ZMAT4: variants seen among roughly 807,000 people sequenced by gnomAD.
ZMAT4 encodes zinc finger matrin-type protein 4.
In ZMAT4, 17 loss-of-function variants were observed where a neutral mutation model predicts 28.7. The observed-to-expected ratio is 0.59, with a 90% CI of 0.41 to 0.89. ZMAT4 has a LOEUF of 0.89. Ranked by LOEUF, ZMAT4 falls within the 40% of genes least tolerant of loss-of-function variation. The pLI, the probability that ZMAT4 is intolerant of heterozygous loss-of-function variation, is 0.00. For missense variants in ZMAT4, 240 were observed against 283.8 expected (o/e 0.85, Z 1.11); for synonymous variants, 117 against 109.2 (o/e 1.07, Z -0.44).
In ZMAT4 at chr8:40,736,740, G is replaced by A. The variant is rs558934017; in HGVS notation, c.192+30901C>T. Among the ~76,000 whole-genome samples, 17 of 152,310 alleles carry A rather than the reference G, an allele frequency of 1.1e-4. No homozygotes were observed. In the South Asian group the frequency reaches 3.5e-3, roughly 32 times the overall value. On this transcript the variant is annotated intron_variant, in intron 3 of 6. Coordinates refer to ENST00000297737, the MANE Select transcript of ZMAT4 (RefSeq NM_024645.3). Reference sequence around the variant, plus strand: ...GTAATGGGTTTTGCAATTGAGAACAGTCCTCTGGCAGTCTGTGAGGATGGG... The same window carrying A: ...GTAATGGGTTTTGCAATTGAGAACAATCCTCTGGCAGTCTGTGAGGATGGG...
At chr8:40,881,356 C>G (rs576004968) in intron 1 of ZMAT4, among the ~76,000 whole-genome samples, 10 of 150,014 alleles carry the variant, frequency 6.7e-5, no homozygotes, top group African/African-American at 2.5e-4. Flanking sequence ...CCACTGCACT[C>G]CAGCCTGGGC....
At chr8:40,621,231 G>C (rs566469391) in intron 5 of ZMAT4, among the ~76,000 whole-genome samples, 1 of 152,306 alleles carries the variant, frequency 6.6e-6, no homozygotes, top group Non-Finnish European at 1.5e-5. Flanking sequence ...AAACAGGCCA[G>C]CACACAACAG....
At chr8:40,574,686 G>T (rs1804204742) in intron 6 of ZMAT4, among the ~76,000 whole-genome samples, 1 of 152,090 alleles carries the variant, frequency 6.6e-6, no homozygotes, top group South Asian at 2.1e-4. Flanking sequence ...GGGGAATGAG[G>T]CACCCACCTC....
chr8:40,684,534 TGG>T (rs1809316947), intron 4 of ZMAT4, among the ~76,000 whole-genome samples: 1 of 152,336 alleles, frequency 6.6e-6, no homozygotes, highest in Non-Finnish European at 1.5e-5. Context: ...AAACCAGCTT[TGG>T]TTCTTTTAAT....
At chr8:40,616,301 G>T (rs1806003674) in intron 5 of ZMAT4, among the ~76,000 whole-genome samples, 1 of 152,196 alleles carries the variant, frequency 6.6e-6, no homozygotes, top group Non-Finnish European at 1.5e-5. Context: ...CTGTAAACTA[G>T]TTCAACCATT....
chr8:40,840,250 G>T (rs915149843), intron 1 of ZMAT4, among the ~76,000 whole-genome samples: 2 of 152,140 alleles, frequency 1.3e-5, no homozygotes, highest in Admixed American at 6.5e-5. Context: ...GGCACCCATG[G>T]CTACTAACTG....
chr8:40,805,380 G>A (rs1441004033), intron 2 of ZMAT4, among the ~76,000 whole-genome samples: 1 of 149,104 alleles, frequency 6.7e-6, no homozygotes, highest in Non-Finnish European at 1.5e-5. Context: ...AGTCAGTGTG[G>A]CAATTCCTCA....
intron 2 of ZMAT4, among the ~76,000 whole-genome samples, chr8:40,807,703 G>A (rs1003367607): frequency 1.3e-5 from 2 of 151,994 alleles, no homozygotes; most frequent in African/African-American, 2.4e-5. Context: ...TTCCTTCACT[G>A]AGAAAACATT....
intron 3 of ZMAT4, among the ~76,000 whole-genome samples, chr8:40,713,921 CAA>C (rs532317102): frequency 6.6e-4 from 33 of 49,988 alleles, no homozygotes; most frequent in African/African-American, 1.3e-3. Flanking sequence ...AAAACAAAAC[CAA>C]AAAAAAAAAA....
intron 5 of ZMAT4, among the ~76,000 whole-genome samples, chr8:40,610,831 G>A (rs1013064946): frequency 2.6e-5 from 4 of 151,402 alleles, no homozygotes; most frequent in African/African-American, 7.3e-5. Flanking sequence ...ATAAGAGATA[G>A]GCCATAGAAA....
chr8:40,881,431 GAGAGAA>G (rs1293757617), intron 1 of ZMAT4, among the ~76,000 whole-genome samples: 3 of 101,734 alleles, frequency 2.9e-5, no homozygotes, highest in East Asian at 5.6e-4. Context: ...AAAGAAGAAA[GAGAGAA>G]AGAAAGAAAG....
In ZMAT4 at chr8:40,780,023, C is replaced by T. The variant is rs771678601; in HGVS notation, c.103-12293G>A. ...TTCATTTCTCAGAATCTTATCTTTC[C>T]CTCCCCTCCCAACTTTTTTTTCTCC... On this transcript the variant is annotated intron_variant, in intron 2 of 6. Transcript: ENST00000297737. Among the ~76,000 whole-genome samples, 209 of 151,938 alleles carry T rather than the reference C, an allele frequency of 1.4e-3. 1 individual carries two copies. Among genetic ancestry groups the T allele is most frequent in the Non-Finnish European group, 4.1e-4 (28 of 67,992 alleles).
chr8:40,813,376 T>A (rs976410494), intron 2 of ZMAT4, among the ~76,000 whole-genome samples: 1 of 152,248 alleles, frequency 6.6e-6, no homozygotes, highest in African/African-American at 2.4e-5. Flanking sequence ...TAAAGTGATT[T>A]AGCTAAGGCT....
At chr8:40,557,652 A>G (rs1440305290) in intron 6 of ZMAT4, among the ~76,000 whole-genome samples, 1 of 152,102 alleles carries the variant, frequency 6.6e-6, no homozygotes, top group Non-Finnish European at 1.5e-5. Flanking sequence ...GCTTTTTCTT[A>G]ACAAGGCATT....
intron 1 of ZMAT4, among the ~76,000 whole-genome samples, chr8:40,854,722 C>T (rs970806541): frequency 2.6e-5 from 4 of 152,094 alleles, no homozygotes; most frequent in Admixed American, 2.6e-4. Flanking sequence ...AAAAGGATGG[C>T]AGGGAGGACA....
chr8:40,890,536 A>T (rs773934061), intron 1 of ZMAT4, among the ~76,000 whole-genome samples: 3 of 151,110 alleles, frequency 2.0e-5, no homozygotes, highest in Non-Finnish European at 4.4e-5. Flanking sequence ...GCCATTTCTC[A>T]CCTGGACAGC....
chr8:40,768,336 A>T (rs552158766), intron 2 of ZMAT4, among the ~76,000 whole-genome samples: 1 of 152,060 alleles, frequency 6.6e-6, no homozygotes, highest in African/African-American at 2.4e-5. Flanking sequence ...GCAAATAAAG[A>T]CTCATTTTCT....
At chr8:40,812,446 G>C (rs1586095679) in intron 2 of ZMAT4, among the ~76,000 whole-genome samples, 2 of 152,156 alleles carry the variant, frequency 1.3e-5, no homozygotes, top group Non-Finnish European at 1.5e-5. Flanking sequence ...CCAAATACTT[G>C]ACCAGTAATC....
At chr8:40,804,334 G>T (rs955296401) in intron 2 of ZMAT4, among the ~76,000 whole-genome samples, 1 of 152,132 alleles carries the variant, frequency 6.6e-6, no homozygotes, top group Non-Finnish European at 1.5e-5. Context: ...CATGTGTGGG[G>T]CAGGGGATAC....
Sources: gnomAD v4.1 joint callset for allele counts (sites outside exome capture counted in the v4.1 genomes callset) on GRCh38, gnomAD v4.1.1 for gene constraint, MANE v1.5 for transcripts, NCBI Gene and HGNC (gene_info 2026-07-23, HGNC 2026-07-21) for gene names.